Variants in NOL12 observed in about 807,000 individuals in gnomAD.
The protein encoded by NOL12 is nucleolar protein 12.
A neutral mutation model predicts 25.2 loss-of-function variants in NOL12; 21 were observed. The ratio of observed to expected loss-of-function variants is 0.83; its 90% confidence interval spans 0.59 to 1.20. The LOEUF is 1.20. NOL12 is among the 50% of genes most tolerant of loss of function. NOL12 has a pLI of 0.00. For missense variants in NOL12, 286 were observed against 287.6 expected (o/e 0.99, Z 0.04); for synonymous variants, 133 against 113.8 (o/e 1.17, Z -1.08).
intron 4 of NOL12, among the ~76,000 whole-genome samples, chr22:37,689,717 C>T (rs1921983188): frequency 6.6e-6 from 1 of 152,250 alleles, no homozygotes; most frequent in Non-Finnish European, 1.5e-5. Context: ...CCTGGAGCCA[C>T]TCCCCTATCA....
intron 1 of NOL12, chr22:37,687,028 C>T: frequency 1.0e-6 from 1 of 985,366 alleles, no homozygotes; most frequent in African/African-American, 1.7e-5. Flanking sequence ...TGAGAAGGGG[C>T]TGAGATTAGA....
At chr22:37,690,924 C>T in intron 5 of NOL12, 130 bp downstream of exon 5, 1 of 725,668 alleles carries the variant, frequency 1.4e-6, no homozygotes, top group South Asian at 1.8e-5. Context: ...TCCTCTGCCT[C>T]TCCTCATTGC....
intron 4 of NOL12, among the ~76,000 whole-genome samples, chr22:37,690,249 G>C (rs1922007238): frequency 6.6e-6 from 1 of 152,244 alleles, no homozygotes; most frequent in Admixed American, 6.5e-5. Flanking sequence ...AGAATTGCTT[G>C]AACTCAGGAG....
chr22:37,686,488 GCCGGACCGGACT>G lies in NOL12; in HGVS notation c.83+16_83+27del, dbSNP rs1395379482. The G allele has an allele frequency of 4.4e-6, 7 of 1,588,088 alleles. No homozygotes were observed. The highest frequency in any genetic ancestry group is 6.0e-6 in the Non-Finnish European group (7 of 1,169,924). The stretch of plus-strand genomic sequence containing the variant: ...AGGAGAAGAGGCGGTGAGTGGCAAA[GCCGGACCGGACT>G]CCCCTCGAGCTGTTCTTCGCGGCCA... On this transcript the variant is annotated intron_variant, in intron 1 of 5. Coordinates refer to ENST00000359114, the MANE Select transcript of NOL12 (RefSeq NM_024313.3).
intron 2 of NOL12, 92 bp from the exon 3 acceptor site, chr22:37,688,220 T>A: frequency 7.2e-7 from 1 of 1,395,910 alleles, no homozygotes; most frequent in Non-Finnish European, 1.0e-6. Context: ...GTATGGATCA[T>A]GGTCTCCCTC....
intron 1 of NOL12, 40 bp from the exon 2 acceptor site, chr22:37,687,870 T>A (rs1293003810): frequency 2.0e-6 from 3 of 1,480,270 alleles, no homozygotes; most frequent in Non-Finnish European, 2.8e-6. Context: ...TCTCTCCTTG[T>A]ATAATGACTC....
intron 5 of NOL12, 78 bp from the exon 6 acceptor site, chr22:37,691,096 C>T: frequency 6.7e-7 from 1 of 1,503,696 alleles, no homozygotes; most frequent in Non-Finnish European, 9.0e-7. Flanking sequence ...GCAACCTGTC[C>T]TGACATCCCC....
At chr22:37,689,254 G>A (rs958976240) in intron 4 of NOL12, among the ~76,000 whole-genome samples, 5 of 152,252 alleles carry the variant, frequency 3.3e-5, no homozygotes, top group Admixed American at 3.3e-4. Context: ...CGGCTGAGGA[G>A]CTTGGGCAGG....
chr22:37,691,626 G>GATTTGTGGAACTCATCAT lies in NOL12; in HGVS notation c.*297_*298insGAACTCATCATATTTGTG. On this transcript the variant is annotated 3_prime_UTR_variant, in exon 6 of 6. Coordinates refer to ENST00000359114, the MANE Select transcript of NOL12 (RefSeq NM_024313.3). ...TGTGCACCCCACCTGGCACTCATCAGATTTGTGCGCTTGTGATTTGTTTGT... is the reference window on the plus strand; with the variant it reads ...TGTGCACCCCACCTGGCACTCATCAGATTTGTGGAACTCATCATATTTGTGCGCTTGTGATTTGTTTGT... 1 of 385,960 alleles carries GATTTGTGGAACTCATCAT rather than the reference G, an allele frequency of 2.6e-6. No homozygotes were observed. The highest frequency in any genetic ancestry group is 4.6e-6 in the Non-Finnish European group (1 of 216,706). The allele number at this position is 385,960 out of a possible 1,614,324, so 23.9% of individuals were successfully genotyped here.
chr22:37,687,234 G>A (rs1054463291), intron 1 of NOL12: 4 of 344,032 alleles, frequency 1.2e-5, no homozygotes, highest in South Asian at 2.3e-4. Flanking sequence ...GGTGTGGAAG[G>A]GGTTACCTCA....
Position 37,688,020 on chromosome 22 carries a change from G to A in NOL12, c.189+5G>A, listed in dbSNP as rs374741641. The A allele has an allele frequency of 1.7e-5, 26 of 1,553,198 alleles. No homozygotes were observed. The highest frequency in any genetic ancestry group is 2.2e-5 in the Non-Finnish European group (25 of 1,145,844). ...CAGAGGAAGCTTCGGGAGGAGGTAC[G>A]CAGGGGGAAGGTGGGAGGGAGGTCT... On this transcript the variant is annotated splice_donor_5th_base_variant and intron_variant, in intron 2 of 5. Transcript: ENST00000359114.
chr22:37,690,446 A>C (rs1388538364), intron 4 of NOL12, among the ~76,000 whole-genome samples: 1 of 152,190 alleles, frequency 6.6e-6, no homozygotes, highest in Non-Finnish European at 1.5e-5. Flanking sequence ...TAGGATTTTC[A>C]TTCCTGAATG....
Position 37,688,732 on chromosome 22 carries a change from T to G in NOL12, c.239-118T>G, listed in dbSNP as rs558751930. On this transcript the variant is annotated intron_variant, in intron 3 of 5. Coordinates refer to ENST00000359114, the MANE Select transcript of NOL12 (RefSeq NM_024313.3). Reference sequence around the variant, plus strand: ...GACCAGGCTCTACAGCCAGTGACCTTGTGGATGCGCTCCACGTCCACAGAG... The same window carrying G: ...GACCAGGCTCTACAGCCAGTGACCTGGTGGATGCGCTCCACGTCCACAGAG... 191 of 1,012,854 alleles carry G rather than the reference T, an allele frequency of 1.9e-4. 1 individual carries two copies. In the African/African-American group the frequency reaches 2.6e-3, roughly 14 times the overall value. 62.7% of individuals were successfully genotyped at this position (1,012,854 alleles called of 1,614,324 possible). A position where few individuals can be genotyped will look rare whatever the true frequency, so the allele number is the denominator to read the frequency against.
intron 4 of NOL12, 39 bp from the exon 5 acceptor site, chr22:37,690,658 C>A: frequency 6.6e-7 from 1 of 1,512,660 alleles, no homozygotes; most frequent in Non-Finnish European, 9.1e-7. Context: ...GTCCCCCCAG[C>A]TACTGCTCCA....
rs1921810165 is a variant in NOL12 at position 37,686,351 on chromosome 22, C to T, written c.-42C>T. 1 of 1,560,172 alleles carries T rather than the reference C, an allele frequency of 6.4e-7. No individual in the cohort carries two copies. The highest frequency in any genetic ancestry group is 8.6e-7 in the Non-Finnish European group (1 of 1,156,088). On this transcript the variant is annotated 5_prime_UTR_variant, in exon 1 of 6. Transcript: ENST00000359114. Reference sequence around the variant, plus strand: ...CCCGGGAGGATGAGTACGCTACACCCGGAAGTGTCTTCAGGGAGAGGAAGC... The same window carrying T: ...CCCGGGAGGATGAGTACGCTACACCTGGAAGTGTCTTCAGGGAGAGGAAGC...
intron 2 of NOL12, 92 bp from the exon 3 acceptor site, chr22:37,688,220 T>G: frequency 2.1e-6 from 3 of 1,395,910 alleles, no homozygotes; most frequent in Non-Finnish European, 3.0e-6. Flanking sequence ...GTATGGATCA[T>G]GGTCTCCCTC....
intron 1 of NOL12, among the ~76,000 whole-genome samples, chr22:37,687,510 T>C (rs1055156743): frequency 6.6e-6 from 1 of 152,102 alleles, no homozygotes; most frequent in Non-Finnish European, 1.5e-5. Context: ...CAGGCTGGAG[T>C]GCAGTGGCAT....
At chr22:37,690,567 C>T (rs9610834) in intron 4 of NOL12, 130 bp from the exon 5 acceptor site, 236,189 of 627,020 alleles carry the variant, frequency 0.38, 47,668 homozygotes, top group East Asian at 0.62. Context: ...GAAGCCTTCT[C>T]TAGTCCCAAC....
intron 4 of NOL12, 127 bp from the exon 5 acceptor site, chr22:37,690,570 G>A: frequency 1.5e-6 from 1 of 649,148 alleles, no homozygotes; most frequent in Non-Finnish European, 2.8e-6. Context: ...GCCTTCTCTA[G>A]TCCCAACCCA....
Sources: allele counts gnomAD v4.1 joint callset (sites outside exome capture counted in the v4.1 genomes callset), GRCh38; gene constraint gnomAD v4.1.1; transcripts MANE v1.5; gene names NCBI Gene and HGNC (gene_info 2026-07-23, HGNC 2026-07-21).